Variants in TNFRSF19 observed in about 807,000 individuals in gnomAD.
TNFRSF19 encodes tumor necrosis factor receptor superfamily member 19.
Under a neutral mutation model 46.4 loss-of-function variants are expected in TNFRSF19, and 27 were observed. The observed-to-expected ratio is 0.58, with a 90% CI of 0.43 to 0.80. The LOEUF is 0.80. Ranked by LOEUF, TNFRSF19 falls within the 30% of genes least tolerant of loss-of-function variation. TNFRSF19 has a pLI of 0.00. For synonymous variants in TNFRSF19, 204 were observed against 205.0 expected, an observed-to-expected ratio of 1.00 and a Z score of 0.04; for missense variants, 511 against 530.8, an observed-to-expected ratio of 0.96 and a Z score of 0.37.
rs1951786588 is a variant in TNFRSF19, at chr13:23,673,402, T to C, written c.*22T>C. 1.2e-6 allele frequency: 2 copies of C among 1,602,312 alleles called. No individual in the cohort carries two copies. The highest frequency in any genetic ancestry group is 4.5e-5 in the East Asian group (2 of 44,570). ...TTAAAGAACCTGCTTCTTTCTGCAG[T>C]AGAAGCGTGTGCTGGAACCCAAAGA... On this transcript the variant is annotated 3_prime_UTR_variant, in exon 10 of 10. Coordinates refer to ENST00000248484, the MANE Select transcript of TNFRSF19 (RefSeq NM_148957.4).
At chr13:23,640,461 G>A (rs1882969775) in intron 5 of TNFRSF19, among the ~76,000 whole-genome samples, 1 of 152,176 alleles carries the variant, frequency 6.6e-6, no homozygotes, top group African/African-American at 2.4e-5. Context: ...GAGTGAGAGT[G>A]TGGTTCTCTC....
intron 4 of TNFRSF19, among the ~76,000 whole-genome samples, chr13:23,624,523 C>T (rs1313004739): frequency 6.6e-6 from 1 of 151,874 alleles, no homozygotes; most frequent in Non-Finnish European, 1.5e-5. Context: ...TTGCTTCTAC[C>T]ATAAATTATA....
At chr13:23,600,453 C>T (rs1181325046) in intron 3 of TNFRSF19, among the ~76,000 whole-genome samples, 2 of 152,146 alleles carry the variant, frequency 1.3e-5, no homozygotes, top group African/African-American at 4.8e-5. Flanking sequence ...CATAGAGCAC[C>T]CTCCCATGCT....
At chr13:23,606,045 G>T (rs569435865) in intron 3 of TNFRSF19, among the ~76,000 whole-genome samples, 1 of 152,226 alleles carries the variant, frequency 6.6e-6, no homozygotes, top group South Asian at 2.1e-4. Context: ...TGTGGCGGGG[G>T]AGGGCGGGGC....
At chr13:23,582,262 G>A (rs1340109377) in intron 1 of TNFRSF19, among the ~76,000 whole-genome samples, 3 of 150,596 alleles carry the variant, frequency 2.0e-5, no homozygotes, top group Non-Finnish European at 3.0e-5. Context: ...TTAGCCGGGC[G>A]TGGTGGCGGG....
At position 23,658,798 on chromosome 13, in the gene TNFRSF19, G is replaced by A. The variant is rs138667452; in HGVS notation, c.446-252G>A. 2.1e-3 allele frequency among the ~76,000 whole-genome samples: 320 copies of A among 152,348 alleles called. 4 individuals carry two copies. Among genetic ancestry groups the A allele is most frequent in the African/African-American group, 7.2e-3 (299 of 41,580 alleles). On this transcript the variant is annotated intron_variant, in intron 5 of 9. Transcript: ENST00000248484. ...AAGGCAGATTCTAGTAACACAATGT[G>A]TTGAGGATTGTGTGTCCGTAGCGCT...
At chr13:23,584,067 TTTTA>T (rs1392087545) in intron 1 of TNFRSF19, among the ~76,000 whole-genome samples, 2 of 152,202 alleles carry the variant, frequency 1.3e-5, no homozygotes, top group South Asian at 2.1e-4. Context: ...TTGTTTTTAT[TTTTA>T]TTTATCTATT....
intron 4 of TNFRSF19, among the ~76,000 whole-genome samples, chr13:23,616,768 G>A (rs889588809): frequency 1.3e-5 from 2 of 151,910 alleles, no homozygotes; most frequent in Non-Finnish European, 1.5e-5. Flanking sequence ...ATTTTTAGTA[G>A]AGATGGTGTT....
intron 3 of TNFRSF19, among the ~76,000 whole-genome samples, chr13:23,595,031 T>C (rs890509759): frequency 3.3e-5 from 5 of 152,164 alleles, no homozygotes; most frequent in African/African-American, 1.2e-4. Context: ...GCCTGACTGT[T>C]TGTAGGAAAA....
chr13:23,575,162 G>C (rs1010111242), intron 1 of TNFRSF19, among the ~76,000 whole-genome samples: 3 of 152,188 alleles, frequency 2.0e-5, no homozygotes, highest in Non-Finnish European at 2.9e-5. Flanking sequence ...TGTTCATCAG[G>C]AAGGAGAGAA....
At chr13:23,589,891 G>GC (rs1446527707) in intron 1 of TNFRSF19, among the ~76,000 whole-genome samples, 1 of 152,172 alleles carries the variant, frequency 6.6e-6, no homozygotes, top group Non-Finnish European at 1.5e-5. Flanking sequence ...ATCAATAAAG[G>GC]CGGGTATAGC....
chr13:23,610,665 T>C (rs995182630), intron 3 of TNFRSF19, among the ~76,000 whole-genome samples: 1 of 152,162 alleles, frequency 6.6e-6, no homozygotes, highest in African/African-American at 2.4e-5. Flanking sequence ...GTTCATCCGT[T>C]TGTTTATCAG....
chr13:23,666,435 C>G (rs1951634955), intron 7 of TNFRSF19, among the ~76,000 whole-genome samples: 1 of 152,068 alleles, frequency 6.6e-6, no homozygotes, highest in South Asian at 2.1e-4. Flanking sequence ...ATTTATATAC[C>G]TTAGTTAGTT....
intron 1 of TNFRSF19, among the ~76,000 whole-genome samples, chr13:23,586,265 A>AAG (rs1878828692): frequency 6.6e-6 from 1 of 151,604 alleles, no homozygotes. Flanking sequence ...CTCAAAAAAA[A>AAG]AAAAAAAAAA....
chr13:23,593,204 C>T (rs1265847491), intron 2 of TNFRSF19, 141 bp from the exon 3 acceptor site: 2 of 505,416 alleles, frequency 4.0e-6, no homozygotes, highest in East Asian at 3.6e-5. Context: ...TGTTTTCTTC[C>T]TAAAGTGAAC....
At chr13:23,617,550 G>A (rs946657335) in intron 4 of TNFRSF19, among the ~76,000 whole-genome samples, 1 of 152,194 alleles carries the variant, frequency 6.6e-6, no homozygotes, top group African/African-American at 2.4e-5. Context: ...AATATCCTTA[G>A]AGCTTAATGG....
At chr13:23,633,339 C>G (rs1361595318) in intron 5 of TNFRSF19, among the ~76,000 whole-genome samples, 1 of 152,184 alleles carries the variant, frequency 6.6e-6, no homozygotes, top group Non-Finnish European at 1.5e-5. Context: ...CCACCTGCCT[C>G]AGCCTCCCAA....
At chr13:23,582,224 CAAAAAAAAAAAAAAAAAA>C in intron 1 of TNFRSF19, among the ~76,000 whole-genome samples, 1 of 98,064 alleles carries the variant, frequency 1.0e-5, no homozygotes, top group African/African-American at 3.7e-5. Context: ...ACTACAAATA[CAAAAAAAAAAAAAAAAAA>C]AAAAAAAAAT....
intron 5 of TNFRSF19, among the ~76,000 whole-genome samples, chr13:23,633,708 G>A (rs1166047096): frequency 3.3e-5 from 5 of 152,098 alleles, no homozygotes; most frequent in Admixed American, 1.3e-4. Flanking sequence ...AATTAGCTGC[G>A]CGTGGTGGCA....
Sources: allele counts gnomAD v4.1 joint callset (sites outside exome capture counted in the v4.1 genomes callset), GRCh38; gene constraint gnomAD v4.1.1; transcripts MANE v1.5; gene names NCBI Gene and HGNC (gene_info 2026-07-23, HGNC 2026-07-21).